VPS13B: variants seen among roughly 807,000 people sequenced by gnomAD.
VPS13B encodes intermembrane lipid transfer protein VPS13B.
In VPS13B, 285 loss-of-function variants were observed where a neutral mutation model predicts 426.4. That is an observed-to-expected ratio of 0.67 (90% CI 0.61 to 0.74). The LOEUF (loss-of-function observed/expected upper bound fraction) is 0.74, where lower values mean the gene tolerates loss of function less well. Ranked by LOEUF, VPS13B falls within the 30% of genes least tolerant of loss-of-function variation. The pLI, the probability that VPS13B is intolerant of heterozygous loss-of-function variation, is 0.00. For synonymous variants in VPS13B, 1,676 were observed against 1,676.4 expected, an observed-to-expected ratio of 1.00 and a Z score of 0.01; for missense variants, 4,537 against 4,782.6, an observed-to-expected ratio of 0.95 and a Z score of 1.51.
At chr8:99,826,608 T>C (rs1189484994) in intron 51 of VPS13B, among the ~76,000 whole-genome samples, 3 of 152,228 alleles carry the variant, frequency 2.0e-5, no homozygotes, top group South Asian at 2.1e-4. Context: ...AACACTATGT[T>C]GAATAGGAGT....
chr8:99,751,490 C>G (rs1810392812), intron 39 of VPS13B, among the ~76,000 whole-genome samples: 1 of 152,120 alleles, frequency 6.6e-6, no homozygotes, highest in Non-Finnish European at 1.5e-5. Context: ...CTAGTAATCC[C>G]AGGTACTTGA....
intron 24 of VPS13B, among the ~76,000 whole-genome samples, chr8:99,478,117 A>T (rs577053610): frequency 6.6e-6 from 1 of 151,306 alleles, no homozygotes; most frequent in African/African-American, 2.4e-5. Flanking sequence ...AAGCCCATAG[A>T]ATCTTTTTTT....
At chr8:99,495,675 C>T (rs899724959) in intron 25 of VPS13B, among the ~76,000 whole-genome samples, 4 of 152,156 alleles carry the variant, frequency 2.6e-5, no homozygotes, top group Admixed American at 6.5e-5. Context: ...TTTTTTGAAA[C>T]ATTTAGGCAG....
intron 21 of VPS13B, among the ~76,000 whole-genome samples, chr8:99,427,704 A>T (rs1816805491): frequency 1.3e-5 from 2 of 151,944 alleles, no homozygotes; most frequent in Admixed American, 1.3e-4. Flanking sequence ...GAAAATGGCC[A>T]TACTGCCCAA....
intron 19 of VPS13B, among the ~76,000 whole-genome samples, chr8:99,316,347 G>A (rs1809656566): frequency 6.6e-6 from 1 of 152,108 alleles, no homozygotes; most frequent in South Asian, 2.1e-4. Flanking sequence ...GAGATGTAGG[G>A]GCTTTTTGGC....
chr8:99,286,399 A>G (rs963850289), intron 19 of VPS13B, among the ~76,000 whole-genome samples: 1 of 152,210 alleles, frequency 6.6e-6, no homozygotes, highest in African/African-American at 2.4e-5. Flanking sequence ...CTCATCATTA[A>G]TGAGAGAACC....
At position 99,338,922 on chromosome 8, in the gene VPS13B, A is replaced by G. The variant is rs566749527; in HGVS notation, c.2825-45286A>G. Reference sequence around the variant, plus strand: ...TTTTTTATTATGAGGTATGTCAGACATGCAAATAGAGAATAATATAATGAG... The same window carrying G: ...TTTTTTATTATGAGGTATGTCAGACGTGCAAATAGAGAATAATATAATGAG... On this transcript the variant is annotated intron_variant, in intron 19 of 61. Transcript: ENST00000357162. 4.4e-4 allele frequency among the ~76,000 whole-genome samples: 67 copies of G among 152,284 alleles called. 1 individual carries two copies. The highest frequency in any genetic ancestry group is 1.5e-3 in the African/African-American group (63 of 41,582).
chr8:99,853,382 T>C (rs1233855084), intron 55 of VPS13B, 69 bp from the exon 56 acceptor site: 1 of 1,546,582 alleles, frequency 6.5e-7, no homozygotes. Flanking sequence ...GTACTGTCAA[T>C]AAAAAAGAAA....
chr8:99,548,090 T>C (rs1215592303), intron 30 of VPS13B, among the ~76,000 whole-genome samples: 2 of 152,120 alleles, frequency 1.3e-5, no homozygotes, highest in Non-Finnish European at 2.9e-5. Context: ...TTAGGCATTC[T>C]GGTCCTCACC....
chr8:99,837,913 A>C (rs760200753), intron 54 of VPS13B, among the ~76,000 whole-genome samples: 6 of 152,212 alleles, frequency 3.9e-5, no homozygotes, highest in Non-Finnish European at 5.9e-5. Context: ...AAAACACCAT[A>C]AAATGCCCAT....
At chr8:99,642,527 T>G (rs755012243) in intron 34 of VPS13B, 29 bp downstream of exon 34, 3 of 1,553,364 alleles carry the variant, frequency 1.9e-6, no homozygotes, top group Middle Eastern at 1.7e-4. Flanking sequence ...ACTGGAGTGC[T>G]AATAATTACT....
chr8:99,266,601 T>G (rs911238357), intron 17 of VPS13B, among the ~76,000 whole-genome samples: 2 of 152,118 alleles, frequency 1.3e-5, no homozygotes, highest in Non-Finnish European at 1.5e-5. Flanking sequence ...GGGAGGTAAT[T>G]GAATCATGGG....
At chr8:99,579,412 T>C (rs560576311) in intron 33 of VPS13B, among the ~76,000 whole-genome samples, 6 of 152,188 alleles carry the variant, frequency 3.9e-5, no homozygotes, top group African/African-American at 7.2e-5. Flanking sequence ...TTTTCTTTTT[T>C]TTTGAGATGG....
At chr8:99,396,352 A>G (rs965587228) in intron 21 of VPS13B, among the ~76,000 whole-genome samples, 1 of 152,054 alleles carries the variant, frequency 6.6e-6, no homozygotes, top group Non-Finnish European at 1.5e-5. Context: ...AGTTAAAAAG[A>G]TATTTATTGA....
chr8:99,093,733 T>G (rs1002907752), intron 3 of VPS13B, among the ~76,000 whole-genome samples: 2 of 152,186 alleles, frequency 1.3e-5, no homozygotes, highest in Non-Finnish European at 1.5e-5. Flanking sequence ...GGCTGCATAG[T>G]ATTCCATGGT....
chr8:99,251,489 G>A (rs952509248), intron 17 of VPS13B, among the ~76,000 whole-genome samples: 2 of 152,098 alleles, frequency 1.3e-5, no homozygotes, highest in African/African-American at 4.8e-5. Context: ...CATTAAACCA[G>A]TCATCCAGTT....
intron 35 of VPS13B, chr8:99,697,939 C>A (rs1255175129): frequency 1.4e-5 from 6 of 427,660 alleles, no homozygotes; most frequent in Non-Finnish European, 2.7e-5. Context: ...GCCAGGTGGC[C>A]AAGATTGTAG....
At chr8:99,705,796 A>G (rs1376986214) in intron 36 of VPS13B, among the ~76,000 whole-genome samples, 1 of 152,178 alleles carries the variant, frequency 6.6e-6, no homozygotes, top group Non-Finnish European at 1.5e-5. Context: ...CCTTTAAAAT[A>G]CATAGGAGAA....
chr8:99,574,023 G>C (rs1825628569), intron 31 of VPS13B, among the ~76,000 whole-genome samples: 1 of 152,110 alleles, frequency 6.6e-6, no homozygotes, highest in Non-Finnish European at 1.5e-5. Flanking sequence ...CCCATCCCTT[G>C]TAAGTTGTAT....
Sources: gnomAD v4.1 joint callset for allele counts (sites outside exome capture counted in the v4.1 genomes callset) on GRCh38, gnomAD v4.1.1 for gene constraint, MANE v1.5 for transcripts, NCBI Gene and HGNC (gene_info 2026-07-23, HGNC 2026-07-21) for gene names.